Variants in DCPH1 observed in about 807,000 individuals in gnomAD.
DCPH1 encodes the protein damage control phosphatase 1.
chr6:151,455,500 A>G, the DCPH1 span, among the ~76,000 whole-genome samples: 5 of 152,236 alleles, frequency 3.3e-5, no homozygotes, highest in Admixed American at 6.5e-5. Context: ...TAGACAATGT[A>G]AAGGATTAAG....
At chr6:151,454,809 A>G in the DCPH1 span, among the ~76,000 whole-genome samples, 1 of 152,244 alleles carries the variant, frequency 6.6e-6, no homozygotes, top group Non-Finnish European at 1.5e-5. Context: ...TGAAGATAGA[A>G]CAGCCAATCT....
chr6:151,455,737 T>A, the DCPH1 span, among the ~76,000 whole-genome samples: 22 of 152,090 alleles, frequency 1.4e-4, no homozygotes, highest in Non-Finnish European at 2.9e-4. Context: ...CTTACACTAA[T>A]CCTCCTCAGC....
At chr6:151,460,467 A>T in the DCPH1 span, among the ~76,000 whole-genome samples, 1 of 151,458 alleles carries the variant, frequency 6.6e-6, no homozygotes, top group Non-Finnish European at 1.5e-5. Context: ...AGAACTTCTG[A>T]TCTAAAAGCA....
At chr6:151,469,189 AGTCGCCTGGCG>A in the DCPH1 span, 1 of 1,282,600 alleles carries the variant, frequency 7.8e-7, no homozygotes, top group African/African-American at 1.5e-5. Flanking sequence ...ACGTGAATTG[AGTCGCCTGGCG>A]GCTCTGTACG....
At chr6:151,468,448 T>TTA in the DCPH1 span, 1 of 1,612,326 alleles carries the variant, frequency 6.2e-7, no homozygotes, top group Non-Finnish European at 8.5e-7. Context: ...ACCTTTCATT[T>TTA]TATTGAATGA....
chr6:151,464,521 C>G, the DCPH1 span: 1 of 1,610,204 alleles, frequency 6.2e-7, no homozygotes, highest in Admixed American at 1.7e-5. Context: ...TCACAGGAAT[C>G]CATCATTGCT....
At chr6:151,465,242 C>T in the DCPH1 span, among the ~76,000 whole-genome samples, 2 of 152,150 alleles carry the variant, frequency 1.3e-5, no homozygotes, top group South Asian at 4.1e-4. Flanking sequence ...CTGAAATTTA[C>T]AACACATTAT....
the DCPH1 span, among the ~76,000 whole-genome samples, chr6:151,464,226 G>A: frequency 6.6e-6 from 1 of 152,106 alleles, no homozygotes; most frequent in South Asian, 2.1e-4. Flanking sequence ...AATATGTCCA[G>A]AAAAATACTT....
the DCPH1 span, among the ~76,000 whole-genome samples, chr6:151,461,487 ATG>A: frequency 6.6e-6 from 1 of 152,186 alleles, no homozygotes; most frequent in Non-Finnish European, 1.5e-5. Context: ...CCTGGCCAAC[ATG>A]GTGAAACCCT....
At chr6:151,454,691 C>A in the DCPH1 span, 2 of 1,015,234 alleles carry the variant, frequency 2.0e-6, no homozygotes, top group South Asian at 1.4e-5. Flanking sequence ...TTGTTAATTT[C>A]TCAACAGAAA....
At chr6:151,466,355 C>G in the DCPH1 span, among the ~76,000 whole-genome samples, 1 of 151,394 alleles carries the variant, frequency 6.6e-6, no homozygotes, top group African/African-American at 2.4e-5. Flanking sequence ...TTCAGGGAAT[C>G]ATCTTCTTTG....
chr6:151,468,104 C>G, the DCPH1 span, among the ~76,000 whole-genome samples: 1 of 152,124 alleles, frequency 6.6e-6, no homozygotes, highest in African/African-American at 2.4e-5. Context: ...TAATTGAAAC[C>G]AGTTTTTTTA....
At chr6:151,468,754 A>G in the DCPH1 span, 1 of 1,614,094 alleles carries the variant, frequency 6.2e-7, no homozygotes, top group African/African-American at 1.3e-5. Context: ...AGAGTATATT[A>G]AAATGGGTAA....
the DCPH1 span, chr6:151,464,550 C>A: frequency 1.2e-6 from 2 of 1,612,002 alleles, no homozygotes; most frequent in South Asian, 1.1e-5. Flanking sequence ...TCACCTGCAA[C>A]AATTGATAAG....
chr6:151,465,082 C>T, the DCPH1 span, among the ~76,000 whole-genome samples: 1 of 152,174 alleles, frequency 6.6e-6, no homozygotes, highest in African/African-American at 2.4e-5. Context: ...TAGATGCTTG[C>T]ATGTGAAGTG....
the DCPH1 span, among the ~76,000 whole-genome samples, chr6:151,460,777 C>CT: frequency 1.3e-5 from 2 of 150,404 alleles, no homozygotes; most frequent in Non-Finnish European, 3.0e-5. Context: ...GAGCAAGACT[C>CT]TGTCTCAAAA....
chr6:151,461,311 C>G, the DCPH1 span, among the ~76,000 whole-genome samples: 2 of 152,156 alleles, frequency 1.3e-5, no homozygotes, highest in Non-Finnish European at 2.9e-5. Flanking sequence ...ATACCTAGAG[C>G]AGATTTTCAC....
the DCPH1 span, among the ~76,000 whole-genome samples, chr6:151,457,446 G>A: frequency 6.6e-6 from 1 of 152,232 alleles, no homozygotes; most frequent in Non-Finnish European, 1.5e-5. Flanking sequence ...TATAGTTAAA[G>A]AGTTGAAGTT....
At chr6:151,455,085 T>C in the DCPH1 span, among the ~76,000 whole-genome samples, 1 of 152,236 alleles carries the variant, frequency 6.6e-6, no homozygotes. Context: ...ATATGAATTA[T>C]AATTGATTGA....
Sources: gnomAD v4.1 joint callset for allele counts (sites outside exome capture counted in the v4.1 genomes callset) on GRCh38, gnomAD v4.1.1 for gene constraint, MANE v1.5 for transcripts, NCBI Gene and HGNC (gene_info 2026-07-23, HGNC 2026-07-21) for gene names.